ADGRB1: variants seen among roughly 807,000 people sequenced by gnomAD.
The protein encoded by ADGRB1 is brain-specific angiogenesis inhibitor 1.
Under a neutral mutation model 175.7 loss-of-function variants are expected in ADGRB1, and 36 were observed. The observed-to-expected ratio is 0.20, with a 90% CI of 0.16 to 0.27. The LOEUF is 0.27. Among genes scored for constraint, ADGRB1 ranks in the 10% least tolerant of loss-of-function variants. ADGRB1 has a pLI of 1.00. For synonymous variants in ADGRB1, 1,054 were observed against 979.4 expected, an observed-to-expected ratio of 1.08 and a Z score of -1.42; for missense variants, 1,731 against 2,255.3, an observed-to-expected ratio of 0.77 and a Z score of 4.71.
intron 2 of ADGRB1, 42 bp downstream of exon 2, chr8:142,465,024 CA>C: frequency 1.2e-6 from 1 of 848,416 alleles, no homozygotes; most frequent in African/African-American, 2.9e-5. Context: ...GGGAGGTGGG[CA>C]GACAGGGGAG....
At chr8:142,477,025 C>A in intron 4 of ADGRB1, 89 bp from the exon 5 acceptor site, 1 of 1,413,974 alleles carries the variant, frequency 7.1e-7, no homozygotes, top group Non-Finnish European at 9.2e-7. Context: ...TGCTCCCCAG[C>A]AGGGCAGCCC....
chr8:142,519,154 C>G (rs1843620188), intron 19 of ADGRB1, among the ~76,000 whole-genome samples: 1 of 152,164 alleles, frequency 6.6e-6, no homozygotes, highest in African/African-American at 2.4e-5. Flanking sequence ...CCCCTAGGGC[C>G]TGGATTCCAC....
At chr8:142,506,330 G>A (rs940076300) in intron 17 of ADGRB1, among the ~76,000 whole-genome samples, 2 of 152,154 alleles carry the variant, frequency 1.3e-5, no homozygotes, top group African/African-American at 4.8e-5. Context: ...GTCCCAGGTC[G>A]CTCTAGGTCC....
intron 1 of ADGRB1, among the ~76,000 whole-genome samples, chr8:142,458,792 G>A (rs1488893536): frequency 6.6e-6 from 1 of 152,248 alleles, no homozygotes; most frequent in Non-Finnish European, 1.5e-5. Context: ...GATGAGAAAG[G>A]CAGGAACCTG....
Position 142,543,498 on chromosome 8 carries a change from C to T in ADGRB1, c.4449+60C>T, listed in dbSNP as rs1845408368. On this transcript the variant is annotated intron_variant, in intron 29 of 30. Transcript: ENST00000517894. The surrounding 1 kb of genome is among the most constrained non-coding windows in gnomAD (Gnocchi z 4.4). ...GGGCCAGATGTGCTCTGGGCTCCCACACGGCCAGGCAGCTCCCCGGCAGCC... is the reference window on the plus strand; with the variant it reads ...GGGCCAGATGTGCTCTGGGCTCCCATACGGCCAGGCAGCTCCCCGGCAGCC... 1.9e-6 allele frequency: 3 copies of T among 1,609,422 alleles called. No homozygotes were observed. The highest frequency in any genetic ancestry group is 2.5e-6 in the Non-Finnish European group (3 of 1,177,640).
In ADGRB1 at chr8:142,464,086, G is replaced by GCCCCCCCCCGGC; in HGVS notation, c.-111_-110insCCCCCCCGGCCC. Reference sequence around the variant, plus strand: ...CCCTCTCCCATCCCACCCTTGCCCCGCCTCCCTGCCCCCACCGGGCCGGCC... The same window carrying GCCCCCCCCCGGC: ...CCCTCTCCCATCCCACCCTTGCCCCGCCCCCCCCCGGCCCTCCCTGCCCCCACCGGGCCGGCC... On this transcript the variant is annotated 5_prime_UTR_variant, in exon 2 of 31. Transcript: ENST00000517894. The GCCCCCCCCCGGC allele has an allele frequency of 6.1e-5, 12 of 198,008 alleles. No homozygotes were observed. The highest frequency in any genetic ancestry group is 1.1e-4 in the East Asian group (1 of 8,770). The allele number at this position is 198,008 out of a possible 1,614,324, so 12.3% of individuals were successfully genotyped here. A position where few individuals can be genotyped will look rare whatever the true frequency, so the allele number is the denominator to read the frequency against.
intron 24 of ADGRB1, among the ~76,000 whole-genome samples, chr8:142,532,243 C>G (rs1052577565): frequency 6.6e-5 from 10 of 152,210 alleles, no homozygotes; most frequent in African/African-American, 1.9e-4. Flanking sequence ...AGGGCCACCT[C>G]CCGAGCACTC....
At position 142,497,627 on chromosome 8, in the gene ADGRB1, C is replaced by T. The variant is rs113220381; in HGVS notation, c.2675+6812C>T. On this transcript the variant is annotated intron_variant, in intron 17 of 30. Coordinates refer to ENST00000517894, the MANE Select transcript of ADGRB1 (RefSeq NM_001702.3). Reference sequence around the variant, plus strand: ...GCCTCTCCCAGCTTGGGTGGGGCCTCGGGGACAGGGGAGAGGTGGAGTGCT... The same window carrying T: ...GCCTCTCCCAGCTTGGGTGGGGCCTTGGGGACAGGGGAGAGGTGGAGTGCT... 3.9e-5 allele frequency among the ~76,000 whole-genome samples: 6 copies of T among 152,252 alleles called. No homozygotes were observed. In the East Asian group the frequency reaches 5.8e-4, roughly 15 times the overall value.
chr8:142,476,872 A>G (rs950652418), intron 4 of ADGRB1, among the ~76,000 whole-genome samples, 177 bp downstream of exon 4: 5 of 152,198 alleles, frequency 3.3e-5, no homozygotes, highest in Admixed American at 3.3e-4. Flanking sequence ...TGTGAGGTGA[A>G]GAAACGTGTC....
Position 142,542,653 on chromosome 8 carries a change from G to C in ADGRB1, c.4413+6G>C. 6.5e-7 allele frequency: 1 copy of C among 1,542,266 alleles called. No homozygotes were observed. The highest frequency in any genetic ancestry group is 8.7e-7 in the Non-Finnish European group (1 of 1,143,888). On this transcript the variant is annotated splice_donor_region_variant and intron_variant, in intron 28 of 30. Coordinates refer to ENST00000517894, the MANE Select transcript of ADGRB1 (RefSeq NM_001702.3). The surrounding 1 kb of genome is among the most constrained non-coding windows in gnomAD (Gnocchi z 6.3). ...TGTCTGTGAGCTCCCTGGAGGTGAG[G>C]GGGGCAGGGGTGGGCCACACCCCAG... is the stretch of plus-strand genomic sequence containing the variant.
chr8:142,470,660 G>A (rs915932571), intron 2 of ADGRB1, among the ~76,000 whole-genome samples: 5 of 152,172 alleles, frequency 3.3e-5, no homozygotes, highest in Admixed American at 3.3e-4. Context: ...GGGTATGGGA[G>A]GCTGGGCTGG....
At chr8:142,499,681 C>T (rs1164415537) in intron 17 of ADGRB1, among the ~76,000 whole-genome samples, 1 of 152,202 alleles carries the variant, frequency 6.6e-6, no homozygotes, top group Admixed American at 6.5e-5. Context: ...CCTGGGCCTC[C>T]GGGGGCCCCT....
intron 5 of ADGRB1, 21 bp downstream of exon 5, chr8:142,477,299 G>A (rs1563692483): frequency 6.6e-7 from 1 of 1,508,264 alleles, no homozygotes; most frequent in Middle Eastern, 1.8e-4. Flanking sequence ...CCTTGGGCTG[G>A]GGCAGCGGAC....
intron 6 of ADGRB1, 30 bp downstream of exon 6, chr8:142,477,579 G>A: frequency 1.3e-6 from 2 of 1,598,512 alleles, no homozygotes; most frequent in Non-Finnish European, 1.7e-6. Context: ...TAGGGGCAGG[G>A]AGGAAGGGAA....
chr8:142,524,709 G>A (rs1360834802), intron 23 of ADGRB1, among the ~76,000 whole-genome samples: 1 of 152,148 alleles, frequency 6.6e-6, no homozygotes, highest in African/African-American at 2.4e-5. Flanking sequence ...ATGTGAGGCT[G>A]GTGACCGCGG....
At chr8:142,481,383 C>T (rs1310589518) in intron 10 of ADGRB1, 23 bp downstream of exon 10, 1 of 1,610,026 alleles carries the variant, frequency 6.2e-7, no homozygotes, top group South Asian at 1.1e-5. Context: ...TCCCGGGGGT[C>T]TCCAACCCCT....
rs1476035808 is a variant in ADGRB1 at position 142,522,872 on chromosome 8, C to T, written c.3245+162C>T. Among the ~76,000 whole-genome samples the T allele has an allele frequency of 2.6e-5, 4 of 152,360 alleles. No homozygotes were observed. In the East Asian group the frequency reaches 5.8e-4, roughly 22 times the overall value. On this transcript the variant is annotated intron_variant, in intron 22 of 30. Coordinates refer to ENST00000517894, the MANE Select transcript of ADGRB1 (RefSeq NM_001702.3). Reference sequence around the variant, plus strand: ...GCCCCAGGGGCTGGAGGCTGAGCCCCTTGGGCATCCCCTCCCTGTTGGCCA... The same window carrying T: ...GCCCCAGGGGCTGGAGGCTGAGCCCTTTGGGCATCCCCTCCCTGTTGGCCA...
chr8:142,516,301 TGCA>T (rs1843423794), intron 18 of ADGRB1, among the ~76,000 whole-genome samples: 3 of 93,780 alleles, frequency 3.2e-5, no homozygotes, highest in African/African-American at 4.2e-5. Flanking sequence ...GGGCCCCAGG[TGCA>T]TGCGTGTGTG....
At chr8:142,523,040 C>T (rs776139427) in intron 22 of ADGRB1, among the ~76,000 whole-genome samples, 2 of 152,196 alleles carry the variant, frequency 1.3e-5, no homozygotes, top group Non-Finnish European at 2.9e-5. Flanking sequence ...CCCCTCTGTA[C>T]GGTGCTGGTG....
Sources: allele counts gnomAD v4.1 joint callset (sites outside exome capture counted in the v4.1 genomes callset), GRCh38; gene constraint gnomAD v4.1.1; non-coding constraint Gnocchi (gnomAD v3.1); transcripts MANE v1.5; gene names NCBI Gene and HGNC (gene_info 2026-07-23, HGNC 2026-07-21).